The following TSC2 variants were observed in gnomAD, a reference collection of about 807,000 sequenced individuals.
TSC2 encodes TSC complex subunit 2, also known as tuberin.
A neutral mutation model predicts 202.2 loss-of-function variants in TSC2; 29 were observed. That is an observed-to-expected ratio of 0.14 (90% confidence interval 0.11 to 0.20). The LOEUF (loss-of-function observed/expected upper bound fraction) is 0.20, where lower values mean the gene tolerates loss of function less well. TSC2 is among the 10% of genes least tolerant of loss of function. The pLI is 1.00. For missense variants in TSC2, 2,429 were observed against 2,420.0 expected (o/e 1.00, Z -0.08); for synonymous variants, 1,349 against 1,044.0 (o/e 1.29, Z -5.63).
In TSC2 at chr16:2,086,221, A is replaced by C; in HGVS notation, c.4691A>C (p.Asn1564Thr). The stretch of plus-strand genomic sequence containing the variant: ...AACAGCGAGCTCGCCATCCTGTCCA[A>C]TGAGCATGGCTCCTACAGGTACACG... ...QSNSELAILS[N>T]EHGSYRYTEF... Residue 1564 changes from asparagine (N) to threonine (T), a missense_variant, in exon 37 of 42, where the codon AAT becomes ACT. Asn to Thr is a moderately conservative substitution (Grantham distance 65, BLOSUM62 0). Transcript: ENST00000219476. The C allele has an allele frequency of 6.2e-7, 1 of 1,612,590 alleles. No homozygotes were observed. Among genetic ancestry groups the C allele is most frequent in the Non-Finnish European group, 8.5e-7 (1 of 1,179,890 alleles).
At chr16:2,053,503 T>A in intron 4 of TSC2, 51 bp downstream of exon 4, 2 of 1,510,484 alleles carry the variant, frequency 1.3e-6, no homozygotes, top group Non-Finnish European at 1.8e-6. Context: ...GCCCACTGAC[T>A]GTCCTGTCCC....
At position 2,071,586 on chromosome 16, in the gene TSC2, G is replaced by A. The variant is rs753932484; in HGVS notation, c.1916G>A (p.Arg639Gln). 1.1e-5 allele frequency: 18 copies of A among 1,613,474 alleles called. No homozygotes were observed. Among genetic ancestry groups the A allele is most frequent in the Admixed American group, 3.3e-5 (2 of 60,026 alleles). Residue 639 changes from arginine to glutamine, a missense_variant, in exon 18 of 42, where the codon CGG (arginine) becomes CAG (glutamine). By Grantham distance (43) the Arg-to-Gln change is conservative. Coordinates refer to ENST00000219476, the MANE Select transcript of TSC2 (RefSeq NM_000548.5). Reference protein sequence around the residue: ...LGLPNKDGVVRFSPYCVCDYM... With the variant: ...LGLPNKDGVVQFSPYCVCDYM... ...CTGCCCAACAAGGATGGAGTCGTGC[G>A]GTTCAGCCCCTACTGCGTCTGCGAC...
rs764288120 is a variant in TSC2 at position 2,061,983 on chromosome 16, T to C, written c.1232T>C (p.Val411Ala). 1 of 1,613,958 alleles carries C rather than the reference T, an allele frequency of 6.2e-7. No individual in the cohort carries two copies. The highest frequency in any genetic ancestry group is 1.1e-5 in the South Asian group (1 of 91,074). ...HGSQERYFEL[V>A]ERCADQRPES... ...TCTCAGGAGAGATACTTTGAACTGG[T>C]GGAGAGATGTGCGGACCAGAGGCCT... The change falls in exon 12 of 42, where the codon GTG (valine) becomes GCG (alanine). Residue 411 changes from valine (V) to alanine (A), a missense_variant. By Grantham distance (64) the Val-to-Ala change is moderately conservative. Transcript: ENST00000219476.
rs775534948 is a variant in TSC2 at position 2,088,222 on chromosome 16, C to T, written c.5161-5C>T. The T allele has an allele frequency of 6.2e-7, 1 of 1,613,164 alleles. No homozygotes were observed. Among genetic ancestry groups the T allele is most frequent in the East Asian group, 2.2e-5 (1 of 44,884 alleles). On this transcript the variant is annotated splice_region_variant and splice_polypyrimidine_tract_variant and intron_variant, in intron 40 of 41. Coordinates refer to ENST00000219476, the MANE Select transcript of TSC2 (RefSeq NM_000548.5). ...AGTGAGCTCACCCCCTGCCTACGTC[C>T]CCAGATGGCCTCACAGGTGCATCAT...
intron 20 of TSC2, 199 bp downstream of exon 20, chr16:2,072,562 ACGT>A (rs2088627738): frequency 1.1e-6 from 1 of 872,468 alleles, no homozygotes; most frequent in Non-Finnish European, 1.7e-6. Flanking sequence ...TTTGGGACTG[ACGT>A]CAGAGGTCCC....
Position 2,056,611 on chromosome 16 carries a change from A to C in TSC2, c.649-33A>C, listed in dbSNP as rs774006505. On this transcript the variant is annotated intron_variant, in intron 7 of 41. Transcript: ENST00000219476. ...CTCTCCTGTGGGGAGGAGCTGGGGTAGGACGGGCGTGAGCCGTCTCCCTCT... is the reference window on the plus strand; with the variant it reads ...CTCTCCTGTGGGGAGGAGCTGGGGTCGGACGGGCGTGAGCCGTCTCCCTCT... 23 of 1,604,386 alleles carry C rather than the reference A, an allele frequency of 1.4e-5. 1 individual carries two copies. In the Middle Eastern group the frequency reaches 2.9e-3, roughly 202 times the overall value.
intron 13 of TSC2, 66 bp downstream of exon 13, chr16:2,062,666 C>G: frequency 1.3e-6 from 2 of 1,510,326 alleles, no homozygotes; most frequent in Non-Finnish European, 1.8e-6. Flanking sequence ...TGGGGCCCAC[C>G]CGGGCTGGGT....
intron 31 of TSC2, 27 bp downstream of exon 31, chr16:2,081,825 G>A (rs759621364): frequency 2.0e-5 from 32 of 1,609,128 alleles, no homozygotes; most frequent in African/African-American, 5.3e-5. Context: ...GCCTTGGCAC[G>A]GGCTCTGCTC....
Position 2,071,939 on chromosome 16 carries a change from G to A in TSC2, c.2097+5G>A, listed in dbSNP as rs977777731. On this transcript the variant is annotated splice_donor_5th_base_variant and intron_variant, in intron 19 of 41. Coordinates refer to ENST00000219476, the MANE Select transcript of TSC2 (RefSeq NM_000548.5). ...CTGCTGCAGTGCTTGAAGCAGGTGA[G>A]TGGGGCCGGGCAGGGACCATCCGTC... 4 of 1,570,372 alleles carry A rather than the reference G, an allele frequency of 2.5e-6. No individual in the cohort carries two copies. Among genetic ancestry groups the A allele is most frequent in the Non-Finnish European group, 2.6e-6 (3 of 1,156,986 alleles).
chr16:2,085,404 A>G, intron 36 of TSC2, 82 bp downstream of exon 36: 1 of 1,438,602 alleles, frequency 7.0e-7, no homozygotes, highest in Non-Finnish European at 9.7e-7. Context: ...CTGGGCCCCC[A>G]ACGCCCCACA....
rs781421943 is a variant in TSC2, at chr16:2,088,755, G to A, written c.*145G>A. 5 of 1,178,222 alleles carry A rather than the reference G, an allele frequency of 4.2e-6. No homozygotes were observed. Among genetic ancestry groups the A allele is most frequent in the East Asian group, 2.6e-5 (1 of 38,924 alleles). The allele number at this position is 1,178,222 out of a possible 1,614,324, so 73.0% of individuals were successfully genotyped here. On this transcript the variant is annotated 3_prime_UTR_variant, in exon 42 of 42. Coordinates refer to ENST00000219476, the MANE Select transcript of TSC2 (RefSeq NM_000548.5). ...TTGACTTTGTCTGCTTGGTGCGGGGGTTGGGGGGGTGTCGAGGCTCTAGAA... is the reference window on the plus strand; with the variant it reads ...TTGACTTTGTCTGCTTGGTGCGGGGATTGGGGGGGTGTCGAGGCTCTAGAA...
Position 2,084,238 on chromosome 16 carries a change from T to A in TSC2, c.4016T>A (p.Val1339Asp). 6.3e-7 allele frequency: 1 copy of A among 1,594,362 alleles called. No individual in the cohort carries two copies. The highest frequency in any genetic ancestry group is 1.1e-5 in the South Asian group (1 of 88,444). ...RTDAYSRSSS[V>D]SSQEEKSLHA... ...GATGGTCCTTTCTAGTCGTCCTCAG[T>A]CTCCAGCCAGGAGGAGAAGTCGCTC... The change falls in exon 34 of 42, where the codon GTC becomes GAC. Residue 1339 changes from valine (V) to aspartate (D), a missense_variant. Transcript: ENST00000219476.
chr16:2,056,387 C>T (rs1357817483), intron 7 of TSC2, 143 bp downstream of exon 7: 2 of 1,257,414 alleles, frequency 1.6e-6, no homozygotes, highest in African/African-American at 1.5e-5. Context: ...CAGGAGTCCC[C>T]CATGTAAGTC....
At chr16:2,085,349 C>T (rs1325621104) in intron 36 of TSC2, 27 bp downstream of exon 36, 1 of 1,611,302 alleles carries the variant, frequency 6.2e-7, no homozygotes, top group African/African-American at 1.3e-5. Flanking sequence ...GGCCTAGGTG[C>T]CTGGACAGGG....
At chr16:2,080,486 CT>C (rs748856777) in intron 30 of TSC2, 109 bp downstream of exon 30, 15 of 1,339,250 alleles carry the variant, frequency 1.1e-5, no homozygotes, top group Non-Finnish European at 1.4e-5. Flanking sequence ...TTGGGGGTAA[CT>C]TTTGTTTTTT....
rs1319342312 is a variant in TSC2, at chr16:2,071,598, A to G, written c.1928A>G (p.Tyr643Cys). 5.0e-6 allele frequency: 8 copies of G among 1,613,248 alleles called. No individual in the cohort carries two copies. Among genetic ancestry groups the G allele is most frequent in the South Asian group, 2.2e-5 (2 of 91,084 alleles). The change falls in exon 18 of 42, where the codon TAC becomes TGC. Residue 643 changes from tyrosine (Y) to cysteine (C), a missense_variant. Tyr to Cys is a radical substitution (Grantham distance 194). Coordinates refer to ENST00000219476, the MANE Select transcript of TSC2 (RefSeq NM_000548.5). Reference sequence around the variant, plus strand: ...GATGGAGTCGTGCGGTTCAGCCCCTACTGCGTCTGCGACTACATGTACGCG... The same window carrying G: ...GATGGAGTCGTGCGGTTCAGCCCCTGCTGCGTCTGCGACTACATGTACGCG... ...NKDGVVRFSP[Y>C]CVCDYMEPER...
At chr16:2,087,798 A>G (rs1596453721) in intron 38 of TSC2, 65 bp from the exon 39 acceptor site, 5 of 1,575,814 alleles carry the variant, frequency 3.2e-6, no homozygotes, top group South Asian at 2.3e-5. Context: ...GCAACCAGGC[A>G]GTAGCCGAGA....
chr16:2,088,087 T>C lies in TSC2; in HGVS notation c.5108T>C (p.Val1703Ala), dbSNP rs45498401. 1.2e-6 allele frequency: 2 copies of C among 1,612,810 alleles called. No individual in the cohort carries two copies. Among genetic ancestry groups the C allele is most frequent in the Non-Finnish European group, 1.7e-6 (2 of 1,180,004 alleles). Reference sequence around the variant, plus strand: ...GTGGACACCAGCGTGGCCAAGATCGTGTCTGACCGCAACCTGCCCTTCGTG... The same window carrying C: ...GTGGACACCAGCGTGGCCAAGATCGCGTCTGACCGCAACCTGCCCTTCGTG... ...GLVDTSVAKI[V>A]SDRNLPFVAR... The change falls in exon 40 of 42, where the codon GTG becomes GCG. Residue 1703 changes from valine to alanine, a missense_variant. Coordinates refer to ENST00000219476, the MANE Select transcript of TSC2 (RefSeq NM_000548.5).
chr16:2,069,971 A>G (rs1193377305), intron 16 of TSC2, among the ~76,000 whole-genome samples: 1 of 152,326 alleles, frequency 6.6e-6, no homozygotes, highest in Admixed American at 6.5e-5. Flanking sequence ...TTTCTTTAAA[A>G]GAATAACAGT....
Sources: gnomAD v4.1 joint callset for allele counts (sites outside exome capture counted in the v4.1 genomes callset) on GRCh38, gnomAD v4.1.1 for gene constraint, MANE v1.5 for transcripts, NCBI Gene and HGNC (gene_info 2026-07-23, HGNC 2026-07-21) for gene names.